Variants in UNC79 observed in about 807,000 individuals in gnomAD.
UNC79 encodes the protein unc-79 subunit of NALCN channel complex, also known as protein unc-79 homolog.
Under a neutral mutation model 283.1 loss-of-function variants are expected in UNC79, and 37 were observed. The observed-to-expected ratio is 0.13, with a 90% CI of 0.10 to 0.17. The LOEUF (loss-of-function observed/expected upper bound fraction) is 0.17, where lower values mean the gene tolerates loss of function less well. UNC79 is among the 10% of genes least tolerant of loss of function. The pLI is 1.00. For missense variants in UNC79, 2,272 were observed against 3,211.1 expected (o/e 0.71, Z 7.07); for synonymous variants, 1,107 against 1,200.2 (o/e 0.92, Z 1.61).
intron 1 of UNC79, among the ~76,000 whole-genome samples, chr14:93,424,932 G>T (rs888771880): frequency 1.3e-5 from 2 of 152,064 alleles, no homozygotes; most frequent in Non-Finnish European, 2.9e-5. Flanking sequence ...CCTGATGTGC[G>T]TATTACACAT....
intron 32 of UNC79, among the ~76,000 whole-genome samples, chr14:93,640,250 C>T (rs535407275): frequency 5.3e-5 from 8 of 152,234 alleles, no homozygotes; most frequent in South Asian, 2.1e-4. Flanking sequence ...TTTTAAACAC[C>T]GTGGTATCGA....
chr14:93,448,974 C>A (rs1171769627), intron 1 of UNC79, among the ~76,000 whole-genome samples: 2 of 152,220 alleles, frequency 1.3e-5, no homozygotes, highest in African/African-American at 4.8e-5. Flanking sequence ...TGTTTTCAGA[C>A]TGGGCCCCAC....
intron 14 of UNC79, among the ~76,000 whole-genome samples, chr14:93,562,841 C>T (rs2062644571): frequency 6.6e-6 from 1 of 152,144 alleles, no homozygotes; most frequent in Admixed American, 6.5e-5. Flanking sequence ...TTTTAGTTTC[C>T]TGACTCGGGG....
chr14:93,350,204 T>C (rs1457246941), intron 1 of UNC79, among the ~76,000 whole-genome samples: 1 of 152,072 alleles, frequency 6.6e-6, no homozygotes, highest in Non-Finnish European at 1.5e-5. Flanking sequence ...AGTTAATATA[T>C]AATTCTTATA....
chr14:93,529,499 A>G (rs1301716276), intron 10 of UNC79, among the ~76,000 whole-genome samples, 173 bp downstream of exon 10: 1 of 152,206 alleles, frequency 6.6e-6, no homozygotes, highest in Non-Finnish European at 1.5e-5. Flanking sequence ...ATGTACCCAC[A>G]CATTTAATAA....
intron 1 of UNC79, among the ~76,000 whole-genome samples, chr14:93,415,284 T>A (rs555846239): frequency 1.3e-5 from 2 of 152,280 alleles, no homozygotes; most frequent in East Asian, 3.9e-4. Context: ...AATCATGTGG[T>A]TTTTGTCTTT....
intron 31 of UNC79, chr14:93,634,563 C>T: frequency 6.2e-7 from 1 of 1,614,110 alleles, no homozygotes; most frequent in East Asian, 2.2e-5. Flanking sequence ...GGAGTTCTGA[C>T]AATGAGCCAG....
At chr14:93,508,711 A>C (rs1258722691) in intron 7 of UNC79, among the ~76,000 whole-genome samples, 1 of 152,174 alleles carries the variant, frequency 6.6e-6, no homozygotes. Context: ...AATCCAATTG[A>C]GTTTAACATA....
chr14:93,583,083 A>C (rs1227810636), intron 20 of UNC79, among the ~76,000 whole-genome samples: 1 of 151,980 alleles, frequency 6.6e-6, no homozygotes, highest in African/African-American at 2.4e-5. Flanking sequence ...GTACTTTGGG[A>C]GGCCAAGGTG....
At chr14:93,563,455 A>C in intron 14 of UNC79, among the ~76,000 whole-genome samples, 1 of 152,244 alleles carries the variant, frequency 6.6e-6, no homozygotes, top group Non-Finnish European at 1.5e-5. Flanking sequence ...ATGGTGGTAC[A>C]GGATATGGAA....
chr14:93,649,225 C>A (rs148930780), intron 35 of UNC79, among the ~76,000 whole-genome samples: 1 of 152,074 alleles, frequency 6.6e-6, no homozygotes, highest in South Asian at 2.1e-4. Context: ...TTGTTGACAT[C>A]GCATTTCTAT....
In UNC79 at chr14:93,635,330, C is replaced by T. The variant is rs140105656; in HGVS notation, c.5717-1886C>T. ...CCTGCCTTTTCTGTTTTTTTTCTTC[C>T]ATAATTAAATGGGTCATTTGAGTTA... On this transcript the variant is annotated intron_variant, in intron 31 of 48. Transcript: ENST00000555664. Among the ~76,000 whole-genome samples, 1,214 of 152,116 alleles carry T rather than the reference C, an allele frequency of 8.0e-3. 10 individuals are homozygous for T. The highest frequency in any genetic ancestry group is 0.041 in the Middle Eastern group (12 of 294).
intron 1 of UNC79, among the ~76,000 whole-genome samples, chr14:93,394,934 A>C (rs1470842851): frequency 6.6e-6 from 1 of 152,102 alleles, no homozygotes; most frequent in Non-Finnish European, 1.5e-5. Flanking sequence ...GTTGGTCTCC[A>C]ACTCCTGGCC....
chr14:93,411,600 A>C (rs773382761), intron 1 of UNC79, among the ~76,000 whole-genome samples: 7 of 152,100 alleles, frequency 4.6e-5, no homozygotes. Flanking sequence ...AGAAAGAGAG[A>C]CTCCATTTTT....
intron 14 of UNC79, among the ~76,000 whole-genome samples, chr14:93,552,765 A>C (rs2061963490): frequency 6.6e-6 from 1 of 152,178 alleles, no homozygotes. Context: ...GACTTTTTAA[A>C]GCTGTGAGCC....
At chr14:93,383,440 C>T (rs1371549001) in intron 1 of UNC79, among the ~76,000 whole-genome samples, 2 of 152,148 alleles carry the variant, frequency 1.3e-5, no homozygotes, top group Admixed American at 6.5e-5. Flanking sequence ...TAAAATGAGT[C>T]ACATACATTT....
At chr14:93,411,859 C>T (rs1029396994) in intron 1 of UNC79, among the ~76,000 whole-genome samples, 2 of 152,210 alleles carry the variant, frequency 1.3e-5, no homozygotes, top group Non-Finnish European at 1.5e-5. Flanking sequence ...TGAGAAATAT[C>T]TAACTCTTCA....
At chr14:93,669,763 C>G (rs961810549) in intron 40 of UNC79, among the ~76,000 whole-genome samples, 3 of 152,154 alleles carry the variant, frequency 2.0e-5, no homozygotes, top group Non-Finnish European at 4.4e-5. Flanking sequence ...GTGGAAGGAT[C>G]ACTTGAGCCC....
Position 93,430,850 on chromosome 14 carries a change from G to T in UNC79, c.-180G>T, listed in dbSNP as rs2055845423. ...GGCGATTTCCTAACCTTCCGGGACC[G>T]AATTCTGCAATTTGATGTGCGTTTT... On this transcript the variant is annotated 5_prime_UTR_variant, in exon 1 of 49. Transcript: ENST00000555664. This position sits in a 1 kb window ranked among gnomAD's most constrained non-coding sequence, Gnocchi z 4.6. 2.0e-6 allele frequency: 1 copy of T among 507,404 alleles called. No homozygotes were observed. Among genetic ancestry groups the T allele is most frequent in the South Asian group, 2.2e-5 (1 of 45,154 alleles). 31.4% of individuals were successfully genotyped at this position (507,404 alleles called of 1,614,324 possible).
Sources: allele counts gnomAD v4.1 joint callset (sites outside exome capture counted in the v4.1 genomes callset), GRCh38; gene constraint gnomAD v4.1.1; non-coding constraint Gnocchi (gnomAD v3.1); transcripts MANE v1.5; gene names NCBI Gene and HGNC (gene_info 2026-07-23, HGNC 2026-07-21).